Variants in CNBD1 observed in about 807,000 individuals in gnomAD.
CNBD1 encodes cyclic nucleotide binding domain containing 1.
In CNBD1, 71 loss-of-function variants were observed where a neutral mutation model predicts 54.4. That is an observed-to-expected ratio of 1.30 (90% CI 1.08 to 1.59). The LOEUF (loss-of-function observed/expected upper bound fraction) is 1.59. CNBD1 is among the 40% of genes most tolerant of loss of function. The probability of loss-of-function intolerance (pLI) is 0.00; values close to 1 mark genes in which losing one functional copy is unlikely to be tolerated. For synonymous variants in CNBD1, 182 were observed against 170.7 expected (o/e 1.07, Z -0.51); for missense variants, 659 against 518.0 (o/e 1.27, Z -2.64).
intron 10 of CNBD1, among the ~76,000 whole-genome samples, chr8:87,360,399 C>A (rs915571917): frequency 2.2e-4 from 34 of 151,720 alleles, no homozygotes; most frequent in South Asian, 4.2e-4. Flanking sequence ...TCAGACATTG[C>A]CTTGAACATC....
downstream of CNBD1, among the ~76,000 whole-genome samples, chr8:87,383,701 T>A (rs1811132982): frequency 6.6e-6 from 1 of 152,144 alleles, no homozygotes; most frequent in African/African-American, 2.4e-5. Flanking sequence ...AACCTGTGTT[T>A]AGAATTATGT....
In CNBD1 at chr8:86,949,995, C is replaced by T. The variant is rs113841355; in HGVS notation, c.431+10241C>T. Among the ~76,000 whole-genome samples the T allele has an allele frequency of 2.7e-3, 212 of 78,452 alleles. 13 individuals are homozygous for T. The highest frequency in any genetic ancestry group is 3.7e-3 in the Admixed American group (20 of 5,428). 51.5% of individuals were successfully genotyped at this position (78,452 alleles called of 152,430 possible). ...TTTTTGAGATGGAGTCTCGCTCTGT[C>T]CCCCAGGCTGGAGTGCAGTGGTGTG... is the stretch of plus-strand genomic sequence containing the variant. On this transcript the variant is annotated intron_variant, in intron 4 of 10. Transcript: ENST00000518476.
intron 10 of CNBD1, among the ~76,000 whole-genome samples, chr8:87,367,545 G>A (rs1315420444): frequency 6.6e-6 from 1 of 151,972 alleles, no homozygotes; most frequent in African/African-American, 2.4e-5. Context: ...TAAAAAAATT[G>A]GTACGTTGTT....
chr8:87,186,264 T>C (rs941597972), intron 4 of CNBD1, among the ~76,000 whole-genome samples: 2 of 152,174 alleles, frequency 1.3e-5, no homozygotes, highest in Non-Finnish European at 2.9e-5. Flanking sequence ...TCTTGTTCAT[T>C]CTACTAAAGT....
At chr8:87,327,574 C>CG (rs1240165388) in intron 8 of CNBD1, among the ~76,000 whole-genome samples, 2 of 152,156 alleles carry the variant, frequency 1.3e-5, no homozygotes, top group African/African-American at 2.4e-5. Context: ...TTTCCAGGTG[C>CG]GTCAGTCACC....
intron 4 of CNBD1, among the ~76,000 whole-genome samples, chr8:87,134,562 A>C (rs1376422879): frequency 6.6e-6 from 1 of 151,256 alleles, no homozygotes; most frequent in Non-Finnish European, 1.5e-5. Flanking sequence ...TTGCCTTTTA[A>C]AATTCAGATT....
intron 5 of CNBD1, among the ~76,000 whole-genome samples, chr8:87,232,335 A>G (rs767463105): frequency 1.4e-4 from 21 of 151,978 alleles, no homozygotes; most frequent in Middle Eastern, 6.8e-3. Context: ...GTTTCATTTT[A>G]TAAAAAACTG....
rs147306113 is a variant in CNBD1 at position 87,068,986 on chromosome 8, A to G, written c.431+129232A>G. 4.0e-3 allele frequency among the ~76,000 whole-genome samples: 605 copies of G among 152,190 alleles called. 3 individuals are homozygous for G. The highest frequency in any genetic ancestry group is 0.03 in the South Asian group (143 of 4,826). On this transcript the variant is annotated intron_variant, in intron 4 of 10. Transcript: ENST00000518476. ...AAGTTCAGAAACTATCTTGAACAAA[A>G]CTGCATGCTGCATGTGACGTAGGAA...
intron 6 of CNBD1, among the ~76,000 whole-genome samples, chr8:87,272,672 G>A (rs1381074822): frequency 2.6e-5 from 4 of 151,910 alleles, no homozygotes; most frequent in Non-Finnish European, 5.9e-5. Context: ...CATGGATAAA[G>A]CATATAACAA....
chr8:87,421,263 T>C (rs1006027119), intron 2 of CNBD1, among the ~76,000 whole-genome samples: 3 of 150,606 alleles, frequency 2.0e-5, no homozygotes, highest in Non-Finnish European at 3.0e-5. Flanking sequence ...TTTTTATTTT[T>C]TATTTATTTC....
chr8:87,424,622 G>A (rs925698752), intron 2 of CNBD1, among the ~76,000 whole-genome samples: 1 of 152,162 alleles, frequency 6.6e-6, no homozygotes, highest in African/African-American at 2.4e-5. Flanking sequence ...TAGTTTGATT[G>A]CACTGTGGTC....
intron 8 of CNBD1, among the ~76,000 whole-genome samples, chr8:87,301,292 T>C (rs10095078): frequency 0.38 from 57,991 of 151,886 alleles, 11,344 homozygotes; most frequent in Middle Eastern, 0.46. Flanking sequence ...TACTAATCCT[T>C]TTGAAACAAT....
At chr8:87,422,413 C>T (rs55706242) in intron 2 of CNBD1, among the ~76,000 whole-genome samples, 10 of 146,614 alleles carry the variant, frequency 6.8e-5, no homozygotes, top group South Asian at 2.2e-4. Context: ...TTAGGTCTAA[C>T]GTTTAAGTCT....
At chr8:86,955,125 T>C (rs959962534) in intron 4 of CNBD1, among the ~76,000 whole-genome samples, 1 of 152,118 alleles carries the variant, frequency 6.6e-6, no homozygotes, top group Non-Finnish European at 1.5e-5. Flanking sequence ...AGAATGATGG[T>C]TTCCAGCTTC....
intron 6 of CNBD1, among the ~76,000 whole-genome samples, chr8:87,259,476 A>C (rs1396276119): frequency 6.6e-6 from 1 of 152,212 alleles, no homozygotes; most frequent in African/African-American, 2.4e-5. Flanking sequence ...ATAATCTTTA[A>C]AGCTGTTCTT....
chr8:87,392,499 G>T (rs928346560), intron 2 of CNBD1, among the ~76,000 whole-genome samples: 6 of 151,954 alleles, frequency 3.9e-5, no homozygotes, highest in African/African-American at 1.4e-4. Flanking sequence ...CCTGATACAT[G>T]AAATAATCTA....
chr8:86,940,652 A>G (rs891192201), intron 4 of CNBD1, among the ~76,000 whole-genome samples: 1 of 152,146 alleles, frequency 6.6e-6, no homozygotes, highest in Non-Finnish European at 1.5e-5. Flanking sequence ...CACCTGTCAT[A>G]GGGGAGTAAA....
chr8:87,274,509 C>G (rs2130860923), intron 6 of CNBD1, among the ~76,000 whole-genome samples: 2 of 149,078 alleles, frequency 1.3e-5, no homozygotes, highest in African/African-American at 5.1e-5. Context: ...ATTTGCATTT[C>G]TCTGATGGCC....
chr8:87,376,834 C>G (rs1464826818), intron 10 of CNBD1, among the ~76,000 whole-genome samples: 2 of 151,776 alleles, frequency 1.3e-5, no homozygotes, highest in Non-Finnish European at 2.9e-5. Context: ...GGACCCAATT[C>G]TGTCCAAATC....
Sources: gnomAD v4.1 joint callset for allele counts (sites outside exome capture counted in the v4.1 genomes callset) on GRCh38, gnomAD v4.1.1 for gene constraint, MANE v1.5 for transcripts, NCBI Gene and HGNC (gene_info 2026-07-23, HGNC 2026-07-21) for gene names.